The following TFEC variants were observed in gnomAD, a reference collection of about 807,000 sequenced individuals.
The protein encoded by TFEC is transcription factor EC, also known as class E basic helix-loop-helix protein 34.
Under a neutral mutation model 41.6 loss-of-function variants are expected in TFEC, and 31 were observed. The observed-to-expected ratio is 0.74, with a 90% CI of 0.56 to 1.01. The LOEUF (loss-of-function observed/expected upper bound fraction) is 1.01, where lower values mean the gene tolerates loss of function less well. TFEC is among the 50% of genes least tolerant of loss of function. TFEC has a pLI of 0.00. For missense variants in TFEC, 402 were observed against 404.1 expected (o/e 0.99, Z 0.04); for synonymous variants, 143 against 140.6 (o/e 1.02, Z -0.12).
At chr7:116,054,455 C>G (rs1305714749) in intron 3 of TFEC, among the ~76,000 whole-genome samples, 4 of 152,048 alleles carry the variant, frequency 2.6e-5, no homozygotes, top group African/African-American at 9.7e-5. Flanking sequence ...GACCAAAGTA[C>G]TGGAAATATT....
intron 1 of TFEC, among the ~76,000 whole-genome samples, chr7:116,117,961 G>A (rs1411681736): frequency 6.6e-6 from 1 of 151,706 alleles, no homozygotes; most frequent in Non-Finnish European, 1.5e-5. Flanking sequence ...GGACACCACC[G>A]GCCTGAAAAT....
intron 3 of TFEC, among the ~76,000 whole-genome samples, chr7:116,047,044 C>T (rs1327601172): frequency 6.6e-6 from 1 of 152,112 alleles, no homozygotes; most frequent in Admixed American, 6.5e-5. Context: ...AAATGAATAA[C>T]CTGGTTCCAA....
chr7:116,028,707 C>A (rs2130882621), intron 1 of TFEC, among the ~76,000 whole-genome samples: 1 of 152,288 alleles, frequency 6.6e-6, no homozygotes, highest in Non-Finnish European at 1.5e-5. Context: ...TAATTGACAT[C>A]TGATAGCTTT....
Position 115,945,963 on chromosome 7 carries a change from A to G in TFEC, c.516-3923T>C, listed in dbSNP as rs1384958719. On this transcript the variant is annotated intron_variant, in intron 6 of 7. Coordinates refer to ENST00000265440, the MANE Select transcript of TFEC (RefSeq NM_012252.4). ...TTGTATGGCCTGCAAAGCTTGAAAT[A>G]TTTACTATCTGGCCCTATACAAAAA... Among the ~76,000 whole-genome samples the G allele has an allele frequency of 1.3e-5, 2 of 151,688 alleles. 1 individual carries two copies. The highest frequency in any genetic ancestry group is 3.9e-4 in the East Asian group (2 of 5,140).
chr7:116,039,409 C>T (rs1481917612), intron 3 of TFEC, among the ~76,000 whole-genome samples: 5 of 147,998 alleles, frequency 3.4e-5, no homozygotes, highest in Admixed American at 3.4e-4. Context: ...AAAACTAAAA[C>T]AAAAGAAAAT....
At chr7:116,088,323 T>C (rs569389144) in intron 3 of TFEC, among the ~76,000 whole-genome samples, 2 of 152,144 alleles carry the variant, frequency 1.3e-5, no homozygotes, top group Non-Finnish European at 2.9e-5. Flanking sequence ...GTCTTTCCAA[T>C]TAGACTGTCA....
chr7:116,144,378 C>A (rs1562985748), intron 1 of TFEC, among the ~76,000 whole-genome samples: 1 of 152,198 alleles, frequency 6.6e-6, no homozygotes, highest in African/African-American at 2.4e-5. Context: ...AATCGGCAGG[C>A]AGTCCACTAA....
At chr7:116,154,937 GT>G (rs1383363800) in intron 1 of TFEC, among the ~76,000 whole-genome samples, 3 of 152,174 alleles carry the variant, frequency 2.0e-5, no homozygotes, top group Admixed American at 1.3e-4. Flanking sequence ...CTTGGCCCTG[GT>G]TTTTCCTCTT....
At chr7:115,962,919 G>T (rs887781620) in intron 3 of TFEC, among the ~76,000 whole-genome samples, 3 of 151,832 alleles carry the variant, frequency 2.0e-5, no homozygotes, top group Non-Finnish European at 4.4e-5. Flanking sequence ...TGTTACATAG[G>T]TATACATGTG....
intron 3 of TFEC, among the ~76,000 whole-genome samples, chr7:116,097,231 C>A (rs907260005): frequency 6.6e-5 from 10 of 152,088 alleles, no homozygotes; most frequent in Admixed American, 6.6e-4. Context: ...TGACAGTAGA[C>A]ATATGTATAC....
At chr7:116,127,415 C>T (rs1054449393) in intron 1 of TFEC, among the ~76,000 whole-genome samples, 8 of 152,086 alleles carry the variant, frequency 5.3e-5, no homozygotes, top group Admixed American at 3.3e-4. Flanking sequence ...TGTAATAATT[C>T]GTGTCGTTTA....
At chr7:116,056,683 C>G (rs185447940) in intron 3 of TFEC, among the ~76,000 whole-genome samples, 51 of 152,228 alleles carry the variant, frequency 3.4e-4, no homozygotes, top group Non-Finnish European at 5.7e-4. Context: ...CCAAAAGTAT[C>G]AAACTCTCTT....
At chr7:115,993,333 C>T (rs1030946923) in intron 1 of TFEC, among the ~76,000 whole-genome samples, 1 of 152,150 alleles carries the variant, frequency 6.6e-6, no homozygotes, top group Non-Finnish European at 1.5e-5. Context: ...TCCTATTCAA[C>T]ATAGTGTTGG....
chr7:116,053,517 C>A (rs1477546617), intron 3 of TFEC, among the ~76,000 whole-genome samples: 3 of 152,188 alleles, frequency 2.0e-5, no homozygotes, highest in Non-Finnish European at 4.4e-5. Flanking sequence ...CCCAAAGTGG[C>A]AGTATTGAGA....
chr7:116,141,084 T>C (rs1166154204), intron 1 of TFEC, among the ~76,000 whole-genome samples: 1 of 152,204 alleles, frequency 6.6e-6, no homozygotes, highest in Non-Finnish European at 1.5e-5. Context: ...AACAGATGCA[T>C]ACCTATTAAA....
chr7:115,978,457 C>T (rs1008438718), intron 2 of TFEC, among the ~76,000 whole-genome samples: 1 of 152,154 alleles, frequency 6.6e-6, no homozygotes, highest in African/African-American at 2.4e-5. Flanking sequence ...CATGATCTTA[C>T]TCATCAAATG....
intron 1 of TFEC, among the ~76,000 whole-genome samples, chr7:116,001,903 C>T (rs78568522): frequency 2.1e-3 from 327 of 152,170 alleles, no homozygotes; most frequent in Non-Finnish European, 3.8e-3. Flanking sequence ...AGAAGACATA[C>T]AAAAAGGTAT....
At chr7:116,057,505 C>A (rs553803818) in intron 3 of TFEC, among the ~76,000 whole-genome samples, 3 of 151,598 alleles carry the variant, frequency 2.0e-5, no homozygotes, top group Non-Finnish European at 4.4e-5. Context: ...CATACCCATA[C>A]TATAAGAAAT....
At chr7:115,963,004 C>G (rs978772193) in intron 3 of TFEC, among the ~76,000 whole-genome samples, 1 of 151,322 alleles carries the variant, frequency 6.6e-6, no homozygotes, top group East Asian at 2.0e-4. Flanking sequence ...CTCCCCCAGT[C>G]CCCCTCTCCC....
Sources: gnomAD v4.1 joint callset for allele counts (sites outside exome capture counted in the v4.1 genomes callset) on GRCh38, gnomAD v4.1.1 for gene constraint, MANE v1.5 for transcripts, NCBI Gene and HGNC (gene_info 2026-07-23, HGNC 2026-07-21) for gene names.